CELF2: variants seen among roughly 807,000 people sequenced by gnomAD.
The protein encoded by CELF2 is CUG triplet repeat RNA-binding protein 2.
CELF2 carries 8 observed loss-of-function variants against 62.6 expected under a neutral mutation model. That is an observed-to-expected ratio of 0.13 (90% confidence interval 0.07 to 0.23). The LOEUF is 0.23. CELF2 is among the 10% of genes least tolerant of loss of function. The pLI is 1.00. For missense variants in CELF2, 333 were observed against 671.0 expected (o/e 0.50, Z 5.56); for synonymous variants, 258 against 250.0 (o/e 1.03, Z -0.30).
the CELF2 span, among the ~76,000 whole-genome samples, chr10:10,660,104 T>C: frequency 6.6e-6 from 1 of 152,138 alleles, no homozygotes; most frequent in Non-Finnish European, 1.5e-5. Context: ...GGCAATAAAA[T>C]GGAACTTACC....
At chr10:10,690,462 G>A in the CELF2 span, among the ~76,000 whole-genome samples, 1 of 152,274 alleles carries the variant, frequency 6.6e-6, no homozygotes, top group South Asian at 2.1e-4. Context: ...ATAAAATACA[G>A]TGAGTGCCAA....
chr10:10,560,793 T>TA, the CELF2 span, among the ~76,000 whole-genome samples: 2 of 152,176 alleles, frequency 1.3e-5, no homozygotes, highest in East Asian at 1.9e-4. Flanking sequence ...AATGAGTGGA[T>TA]AAAAAACTCT....
intron 3 of CELF2, among the ~76,000 whole-genome samples, chr10:11,221,812 T>C (rs1271783241): frequency 6.6e-6 from 1 of 152,244 alleles, no homozygotes; most frequent in Non-Finnish European, 1.5e-5. Context: ...AAATGCAGTT[T>C]ATATTAAGGA....
At chr10:10,892,866 A>C (rs1297963684) in intron 1 of CELF2, among the ~76,000 whole-genome samples, 2 of 152,246 alleles carry the variant, frequency 1.3e-5, no homozygotes, top group Non-Finnish European at 2.9e-5. Flanking sequence ...TAAAGCTAAC[A>C]CAGGAAAATA....
chr10:10,840,232 C>T (rs940673369), intron 1 of CELF2, among the ~76,000 whole-genome samples: 4 of 152,160 alleles, frequency 2.6e-5, no homozygotes, highest in African/African-American at 9.7e-5. Context: ...ACCTAGGAGC[C>T]TTATTGCTGC....
At chr10:10,549,500 T>A in the CELF2 span, among the ~76,000 whole-genome samples, 1 of 152,216 alleles carries the variant, frequency 6.6e-6, no homozygotes, top group Non-Finnish European at 1.5e-5. Context: ...GCCAGGCTGG[T>A]CTCGAGCTCC....
chr10:10,725,607 G>C, the CELF2 span, among the ~76,000 whole-genome samples: 1 of 152,162 alleles, frequency 6.6e-6, no homozygotes, highest in East Asian at 1.9e-4. Flanking sequence ...GAGGCTGAGA[G>C]CCAGACGGAC....
chr10:10,876,837 G>A (rs1256590750), intron 1 of CELF2, among the ~76,000 whole-genome samples: 2 of 152,170 alleles, frequency 1.3e-5, no homozygotes, highest in Non-Finnish European at 2.9e-5. Context: ...TGTTTAAATG[G>A]AGCAACGTTT....
intron 2 of CELF2, among the ~76,000 whole-genome samples, chr10:10,924,281 C>CAA (rs11415164): frequency 0.11 from 4,751 of 44,912 alleles, 976 homozygotes; most frequent in East Asian, 0.28. Context: ...GACTCCGTCC[C>CAA]AAAAAAAAAA....
In CELF2 at chr10:11,243,104, G is replaced by A. The variant is rs2074485244; in HGVS notation, c.355-6049G>A. Among the ~76,000 whole-genome samples the A allele has an allele frequency of 6.6e-6, 1 of 152,076 alleles. No homozygotes were observed. The highest frequency in any genetic ancestry group is 1.5e-5 in the Non-Finnish European group (1 of 68,002). On this transcript the variant is annotated intron_variant, in intron 3 of 12. Transcript: ENST00000633077. The surrounding 1 kb of genome is among the most constrained non-coding windows in gnomAD (Gnocchi z 4.1). Reference sequence around the variant, plus strand: ...GGACTATATCTCTGTGTGCCGAGATGCTCCCCTCCATGAGCTCCACCTTCA... The same window carrying A: ...GGACTATATCTCTGTGTGCCGAGATACTCCCCTCCATGAGCTCCACCTTCA...
chr10:10,733,736 T>C, the CELF2 span, among the ~76,000 whole-genome samples: 2 of 152,164 alleles, frequency 1.3e-5, no homozygotes, highest in South Asian at 2.1e-4. Flanking sequence ...GTGAGACTTA[T>C]TCACTACCAT....
At chr10:10,762,077 C>T in the CELF2 span, among the ~76,000 whole-genome samples, 5 of 152,066 alleles carry the variant, frequency 3.3e-5, no homozygotes, top group Admixed American at 2.6e-4. Flanking sequence ...CAAATGAATT[C>T]ATTAGAACTG....
chr10:10,899,432 C>G (rs1010609017), intron 1 of CELF2, among the ~76,000 whole-genome samples: 1 of 152,094 alleles, frequency 6.6e-6, no homozygotes, highest in African/African-American at 2.4e-5. Context: ...GGTATTATGA[C>G]AACTTTATGC....
chr10:10,788,516 G>A, the CELF2 span, among the ~76,000 whole-genome samples: 2 of 132,388 alleles, frequency 1.5e-5, no homozygotes, highest in African/African-American at 2.9e-5. Flanking sequence ...AGGCTGGAGT[G>A]CAGTGGTGCA....
At chr10:11,088,564 C>CGGCGTGCATACCCCTGCTCACCT (rs55706560) in intron 1 of CELF2, among the ~76,000 whole-genome samples, 34,905 of 151,910 alleles carry the variant, frequency 0.23, 7,339 homozygotes, top group African/African-American at 0.56. Flanking sequence ...CTAGCAGAGC[C>CGGCGTGCATACCCCTGCTCACCT]GGATTTCTCA....
At chr10:11,263,045 C>G (rs2081194566) in intron 5 of CELF2, among the ~76,000 whole-genome samples, 1 of 139,552 alleles carries the variant, frequency 7.2e-6, no homozygotes, top group Non-Finnish European at 1.5e-5. Flanking sequence ...GTTAAGATAT[C>G]CTTTCAATTG....
chr10:10,655,154 A>G, the CELF2 span, among the ~76,000 whole-genome samples: 1 of 149,126 alleles, frequency 6.7e-6, no homozygotes, highest in Non-Finnish European at 1.5e-5. Flanking sequence ...TAGGAATCCA[A>G]CTTACAAGGG....
intron 1 of CELF2, among the ~76,000 whole-genome samples, chr10:10,858,837 A>T (rs1007462184): frequency 5.9e-5 from 9 of 152,134 alleles, no homozygotes; most frequent in African/African-American, 2.2e-4. Context: ...TATTCAGAAG[A>T]TTCAGAAAGC....
chr10:10,996,306 A>G (rs1163750995), intron 2 of CELF2, among the ~76,000 whole-genome samples: 1 of 152,184 alleles, frequency 6.6e-6, no homozygotes, highest in African/African-American at 2.4e-5. Context: ...TTAGTTATAC[A>G]TTAGAGGAGA....
Sources: allele counts gnomAD v4.1 joint callset (sites outside exome capture counted in the v4.1 genomes callset), GRCh38; gene constraint gnomAD v4.1.1; non-coding constraint Gnocchi (gnomAD v3.1); transcripts MANE v1.5; gene names NCBI Gene and HGNC (gene_info 2026-07-23, HGNC 2026-07-21).